NXPH1: variants seen among roughly 807,000 people sequenced by gnomAD.
The protein encoded by NXPH1 is neurexophilin-1.
In NXPH1, 5 loss-of-function variants were observed where a neutral mutation model predicts 23.7. That is an observed-to-expected ratio of 0.21 (90% CI 0.11 to 0.44). The LOEUF (loss-of-function observed/expected upper bound fraction) is 0.44, where lower values mean the gene tolerates loss of function less well. NXPH1 is among the 20% of genes least tolerant of loss of function. NXPH1 has a pLI of 0.99. For missense variants in NXPH1, 324 were observed against 321.6 expected, an observed-to-expected ratio of 1.01 and a Z score of -0.06; for synonymous variants, 144 against 122.2, an observed-to-expected ratio of 1.18 and a Z score of -1.18.
At chr7:8,508,079 C>G (rs1817559222) in intron 2 of NXPH1, among the ~76,000 whole-genome samples, 1 of 152,086 alleles carries the variant, frequency 6.6e-6, no homozygotes, top group Admixed American at 6.6e-5. Context: ...CAAGTTTAGA[C>G]AGTTCTCAGT....
Position 8,731,027 on chromosome 7 carries a change from G to A in NXPH1, c.55-19981G>A, listed in dbSNP as rs149950267. ...TCACATAGTTCCATATTTCTTGGAG[G>A]CTTTGCTCTTTTCTTTTTATTGTTT... is the stretch of plus-strand genomic sequence containing the variant. On this transcript the variant is annotated intron_variant, in intron 2 of 2. Transcript: ENST00000405863. Among the ~76,000 whole-genome samples, 73 of 143,606 alleles carry A rather than the reference G, an allele frequency of 5.1e-4. 1 individual carries two copies. In the East Asian group the frequency reaches 0.014, roughly 28 times the overall value. The allele number at this position is 143,606 out of a possible 152,430, so 94.2% of individuals were successfully genotyped here. A position where few individuals can be genotyped will look rare whatever the true frequency, so the allele number is the denominator to read the frequency against.
chr7:8,713,547 T>C (rs557229451), intron 2 of NXPH1, among the ~76,000 whole-genome samples: 8 of 151,998 alleles, frequency 5.3e-5, no homozygotes, highest in African/African-American at 1.9e-4. Context: ...GACTGAAATA[T>C]ATATTGTAGT....
At chr7:8,713,085 C>T (rs1334867533) in intron 2 of NXPH1, among the ~76,000 whole-genome samples, 1 of 151,908 alleles carries the variant, frequency 6.6e-6, no homozygotes, top group Non-Finnish European at 1.5e-5. Context: ...GATAGGCTTT[C>T]TATTTTCTAC....
intron 2 of NXPH1, among the ~76,000 whole-genome samples, chr7:8,620,871 A>C (rs1489398897): frequency 6.6e-6 from 1 of 152,136 alleles, no homozygotes; most frequent in Non-Finnish European, 1.5e-5. Context: ...ATTTGATCTG[A>C]TCTCTTCCAG....
At chr7:8,683,902 A>G (rs868639104) in intron 2 of NXPH1, among the ~76,000 whole-genome samples, 2 of 152,318 alleles carry the variant, frequency 1.3e-5, no homozygotes, top group Middle Eastern at 3.4e-3. Flanking sequence ...CTATAAAATG[A>G]TAATTATAAG....
At chr7:8,551,363 C>G (rs1818272628) in intron 2 of NXPH1, among the ~76,000 whole-genome samples, 1 of 151,374 alleles carries the variant, frequency 6.6e-6, no homozygotes, top group African/African-American at 2.4e-5. Flanking sequence ...GCAAAACATG[C>G]TAAATTCCAA....
intron 2 of NXPH1, among the ~76,000 whole-genome samples, chr7:8,714,449 G>A (rs1779845790): frequency 6.6e-6 from 1 of 151,956 alleles, no homozygotes; most frequent in Non-Finnish European, 1.5e-5. Flanking sequence ...GGCTGAGTTG[G>A]TGTCTAAGCT....
rs371803371 is a variant in NXPH1, at chr7:8,751,028, G to T, written c.75G>T (p.Thr25=). The T allele has an allele frequency of 1.2e-6, 2 of 1,613,380 alleles. No individual in the cohort carries two copies. Among genetic ancestry groups the T allele is most frequent in the South Asian group, 1.1e-5 (1 of 91,054 alleles). The change falls in exon 3 of 3, where the codon ACG becomes ACT. Residue 25 remains threonine (T), a synonymous_variant. Transcript: ENST00000405863. This position sits in a 1 kb window ranked among gnomAD's most constrained non-coding sequence, Gnocchi z 4.5. ...TTCAGGTCACATGTGCCAATTTAAC[G>T]AACGGTGGAAAGTCAGAACTTCTGA... ...TVYLVTCANL[T]NGGKSELLKS...
At chr7:8,501,416 G>C (rs1422171249) in intron 2 of NXPH1, among the ~76,000 whole-genome samples, 3 of 151,990 alleles carry the variant, frequency 2.0e-5, no homozygotes, top group Non-Finnish European at 4.4e-5. Flanking sequence ...TGTATCCTGG[G>C]TAGAGCCTTT....
intron 2 of NXPH1, among the ~76,000 whole-genome samples, chr7:8,449,931 G>C (rs1816475731): frequency 6.6e-6 from 1 of 152,206 alleles, no homozygotes; most frequent in Non-Finnish European, 1.5e-5. Context: ...GCTTGATATT[G>C]ATGATTGTGA....
chr7:8,744,495 C>T (rs545275333), intron 2 of NXPH1, among the ~76,000 whole-genome samples: 19 of 152,188 alleles, frequency 1.2e-4, no homozygotes, highest in Non-Finnish European at 2.2e-4. Flanking sequence ...TGCCTGTCCT[C>T]AAAGTGCTAA....
intron 2 of NXPH1, among the ~76,000 whole-genome samples, chr7:8,584,745 T>G (rs1818948949): frequency 6.6e-6 from 1 of 152,224 alleles, no homozygotes; most frequent in South Asian, 2.1e-4. Flanking sequence ...TTGAAGTTGT[T>G]TGTGTTCACC....
In NXPH1 at chr7:8,751,164, G is replaced by A; in HGVS notation, c.211G>A (p.Asp71Asn). The A allele has an allele frequency of 6.2e-7, 1 of 1,613,834 alleles. No homozygotes were observed. The highest frequency in any genetic ancestry group is 8.5e-7 in the Non-Finnish European group (1 of 1,179,798). ...QTFRGKENDT[D>N]LDLRYDTPEP... ...TTTTCGTGGCAAAGAGAATGATACAGATTTGGACCTGAGATATGACACCCC... is the reference window on the plus strand; with the variant it reads ...TTTTCGTGGCAAAGAGAATGATACAAATTTGGACCTGAGATATGACACCCC... Residue 71 changes from aspartate (D) to asparagine (N), a missense_variant, in exon 3 of 3, where the codon GAT becomes AAT. Transcript: ENST00000405863. This position sits in a 1 kb window ranked among gnomAD's most constrained non-coding sequence, Gnocchi z 4.5.
At chr7:8,594,287 C>T (rs1484689038) in intron 2 of NXPH1, among the ~76,000 whole-genome samples, 1 of 151,928 alleles carries the variant, frequency 6.6e-6, no homozygotes, top group African/African-American at 2.4e-5. Flanking sequence ...TTGATATTTA[C>T]CTTGGGTAGA....
At chr7:8,606,022 C>A (rs568966561) in intron 2 of NXPH1, among the ~76,000 whole-genome samples, 3 of 152,182 alleles carry the variant, frequency 2.0e-5, no homozygotes, top group South Asian at 2.1e-4. Context: ...ATTCATAATT[C>A]TTCCTGTGTC....
intron 2 of NXPH1, among the ~76,000 whole-genome samples, chr7:8,581,452 G>A (rs916716655): frequency 2.6e-5 from 4 of 152,128 alleles, no homozygotes; most frequent in Non-Finnish European, 5.9e-5. Context: ...AGAGAATGGG[G>A]GAAGTGCCAC....
At chr7:8,733,724 G>T (rs1444138491) in intron 2 of NXPH1, among the ~76,000 whole-genome samples, 1 of 151,864 alleles carries the variant, frequency 6.6e-6, no homozygotes, top group Non-Finnish European at 1.5e-5. Context: ...TTTTTGATGG[G>T]ATTATTTTTT....
chr7:8,499,642 C>T (rs1018888992), intron 2 of NXPH1, among the ~76,000 whole-genome samples: 2 of 152,020 alleles, frequency 1.3e-5, no homozygotes, highest in Non-Finnish European at 1.5e-5. Context: ...CTCCCAAATT[C>T]GGTAATCAAT....
intron 2 of NXPH1, among the ~76,000 whole-genome samples, chr7:8,634,705 A>C: frequency 8.4e-6 from 1 of 118,694 alleles, no homozygotes; most frequent in Admixed American, 1.1e-4. Context: ...TCCAAAGAGC[A>C]GCCTCACTTC....
Sources: gnomAD v4.1 joint callset for allele counts (sites outside exome capture counted in the v4.1 genomes callset) on GRCh38, gnomAD v4.1.1 for gene constraint, Gnocchi (gnomAD v3.1) non-coding constraint, MANE v1.5 for transcripts, NCBI Gene and HGNC (gene_info 2026-07-23, HGNC 2026-07-21) for gene names.